Variants in RAD54B observed in about 807,000 individuals in gnomAD.
The protein encoded by RAD54B is DNA repair and recombination protein RAD54B.
RAD54B carries 78 observed loss-of-function variants against 95.8 expected under a neutral mutation model. The observed-to-expected ratio is 0.81, with a 90% CI of 0.68 to 0.98. The LOEUF (loss-of-function observed/expected upper bound fraction) is 0.98, where lower values mean the gene tolerates loss of function less well. Among genes scored for constraint, RAD54B ranks in the 50% least tolerant of loss-of-function variants. The pLI, the probability that RAD54B is intolerant of heterozygous loss-of-function variation, is 0.00. For missense variants in RAD54B, 957 were observed against 1,056.6 expected, an observed-to-expected ratio of 0.91 and a Z score of 1.31; for synonymous variants, 328 against 354.9, an observed-to-expected ratio of 0.92 and a Z score of 0.85.
chr8:94,431,489 A>T, intron 3 of RAD54B: 2 of 981,910 alleles, frequency 2.0e-6, no homozygotes, highest in Middle Eastern at 5.2e-4. Flanking sequence ...ATTTACTTCT[A>T]TCGAATAGCG....
chr8:94,405,511 C>A (rs1339604379), intron 5 of RAD54B, among the ~76,000 whole-genome samples: 1 of 152,160 alleles, frequency 6.6e-6, no homozygotes, highest in Non-Finnish European at 1.5e-5. Context: ...TTCTCTGGAT[C>A]TTCCTAGGTT....
intron 3 of RAD54B, among the ~76,000 whole-genome samples, chr8:94,415,680 AAAC>A (rs1277601236): frequency 6.8e-6 from 1 of 147,122 alleles, no homozygotes; most frequent in Admixed American, 6.9e-5. Flanking sequence ...AGAAAAAAAC[AAAC>A]AACCCCATCA....
At chr8:94,388,452 C>T (rs770739178) in intron 10 of RAD54B, among the ~76,000 whole-genome samples, 1 of 152,134 alleles carries the variant, frequency 6.6e-6, no homozygotes, top group Admixed American at 6.5e-5. Flanking sequence ...CAACAGTAGG[C>T]TATTCGTAGT....
intron 3 of RAD54B, among the ~76,000 whole-genome samples, chr8:94,434,989 T>A (rs1812217485): frequency 6.6e-6 from 1 of 151,890 alleles, no homozygotes; most frequent in Admixed American, 6.6e-5. Flanking sequence ...CTCACTGTTA[T>A]TTTTAAAATA....
intron 8 of RAD54B, among the ~76,000 whole-genome samples, chr8:94,394,999 A>T (rs1475075795): frequency 6.6e-6 from 1 of 152,174 alleles, no homozygotes; most frequent in Non-Finnish European, 1.5e-5. Flanking sequence ...AGAGTTGGGA[A>T]AAATACATTT....
chr8:94,442,856 C>CT (rs1326535568), intron 3 of RAD54B, among the ~76,000 whole-genome samples: 1 of 152,130 alleles, frequency 6.6e-6, no homozygotes, highest in African/African-American at 2.4e-5. Context: ...TCTTTCCCCC[C>CT]AGAGCTATAA....
At chr8:94,432,560 T>A in intron 3 of RAD54B, 1 of 1,550,492 alleles carries the variant, frequency 6.4e-7, no homozygotes, top group Non-Finnish European at 8.7e-7. Context: ...TAATGTCTTC[T>A]TCTTGCTTCA....
At chr8:94,451,397 G>A (rs1462601857) in intron 3 of RAD54B, among the ~76,000 whole-genome samples, 2 of 152,146 alleles carry the variant, frequency 1.3e-5, no homozygotes, top group Admixed American at 6.5e-5. Flanking sequence ...ATAAATGGGG[G>A]AGAAGGGAAA....
rs1448902669 is a variant in RAD54B at position 94,475,074 on chromosome 8, G to C, written c.-90C>G. The C allele has an allele frequency of 1.3e-5, 2 of 152,628 alleles. No homozygotes were observed. Among genetic ancestry groups the C allele is most frequent in the Non-Finnish European group, 1.5e-5 (1 of 68,356 alleles). The allele number at this position is 152,628 out of a possible 1,614,324, so 9.5% of individuals were successfully genotyped here. A position where few individuals can be genotyped will look rare whatever the true frequency, so the allele number is the denominator to read the frequency against. On this transcript the variant is annotated 5_prime_UTR_variant, in exon 1 of 15. Transcript: ENST00000336148. ...GTAACCAGCTATCCCCTCGCCGCCG[G>C]AGAAGCTCAAGGATCCCGCCTCGGC...
intron 14 of RAD54B, among the ~76,000 whole-genome samples, chr8:94,377,514 C>G (rs1171851157): frequency 8.3e-6 from 1 of 120,590 alleles, no homozygotes; most frequent in Non-Finnish European, 1.6e-5. Context: ...CCAGCCTGGG[C>G]AACAGAGCAA....
chr8:94,468,432 G>A (rs867196639), intron 1 of RAD54B, among the ~76,000 whole-genome samples: 67 of 152,150 alleles, frequency 4.4e-4, no homozygotes, highest in African/African-American at 1.4e-3. Context: ...AAAAGGGGCC[G>A]GCGTGGTGGT....
chr8:94,401,766 C>T (rs991328444), intron 6 of RAD54B, among the ~76,000 whole-genome samples: 7 of 152,256 alleles, frequency 4.6e-5, no homozygotes, highest in South Asian at 4.2e-4. Context: ...ACATAAATTA[C>T]GGCTACTATT....
chr8:94,425,616 A>G lies in RAD54B; in HGVS notation c.305-14301T>C, dbSNP rs540397059. Among the ~76,000 whole-genome samples the G allele has an allele frequency of 2.2e-4, 33 of 152,306 alleles. No homozygotes were observed. The East Asian group carries it at 5.2e-3, about 24-fold the overall frequency. ...ATATACAAATCCCTTCAAACTGATA[A>G]TCACTCACAGTTTTCTTATATCTAA... is the stretch of plus-strand genomic sequence containing the variant. On this transcript the variant is annotated intron_variant, in intron 3 of 14. Coordinates refer to ENST00000336148, the MANE Select transcript of RAD54B (RefSeq NM_012415.3).
chr8:94,442,850 T>C (rs1042153193), intron 3 of RAD54B, among the ~76,000 whole-genome samples: 71 of 152,028 alleles, frequency 4.7e-4, no homozygotes, highest in African/African-American at 1.7e-3. Flanking sequence ...TCCTCCTCTT[T>C]CCCCCCAGAG....
At chr8:94,392,867 T>C (rs867939560) in intron 9 of RAD54B, among the ~76,000 whole-genome samples, 28 of 150,490 alleles carry the variant, frequency 1.9e-4, no homozygotes, top group African/African-American at 6.1e-4. Flanking sequence ...AGATGGAGTT[T>C]CACTCTGTCA....
intron 3 of RAD54B, chr8:94,432,394 T>C (rs1812125474): frequency 6.4e-7 from 1 of 1,550,412 alleles, no homozygotes; most frequent in Non-Finnish European, 8.7e-7. Flanking sequence ...AAATCATCTC[T>C]CCTTGGAATA....
intron 3 of RAD54B, among the ~76,000 whole-genome samples, chr8:94,450,497 A>G (rs1812629967): frequency 6.6e-6 from 1 of 152,242 alleles, no homozygotes; most frequent in Non-Finnish European, 1.5e-5. Flanking sequence ...TGATGGGGCT[A>G]AAAGAGTCAT....
chr8:94,466,893 A>C lies in RAD54B; in HGVS notation c.135+512T>G, dbSNP rs962282064. 2.0e-4 allele frequency among the ~76,000 whole-genome samples: 30 copies of C among 152,122 alleles called. 1 individual carries two copies. Among genetic ancestry groups the C allele is most frequent in the Admixed American group, 1.3e-3 (20 of 15,276 alleles). ...AGAGGTACTTACTTATCATTACCAAAAGTTTATTTTATAGACTCAAGTACA... is the reference window on the plus strand; with the variant it reads ...AGAGGTACTTACTTATCATTACCAACAGTTTATTTTATAGACTCAAGTACA... On this transcript the variant is annotated intron_variant, in intron 2 of 14. Transcript: ENST00000336148.
chr8:94,388,155 GGTT>G (rs1810935498), intron 10 of RAD54B, among the ~76,000 whole-genome samples: 1 of 151,996 alleles, frequency 6.6e-6, no homozygotes, highest in South Asian at 2.1e-4. Context: ...TGAACACATG[GGTT>G]TGAACTACGC....
Sources: allele counts gnomAD v4.1 joint callset (sites outside exome capture counted in the v4.1 genomes callset), GRCh38; gene constraint gnomAD v4.1.1; transcripts MANE v1.5; gene names NCBI Gene and HGNC (gene_info 2026-07-23, HGNC 2026-07-21).